The following ZFP90 variants were observed in gnomAD, a reference collection of about 807,000 sequenced individuals.
ZFP90 encodes the protein ZFP90 zinc finger protein.
ZFP90 carries 38 observed loss-of-function variants against 60.8 expected under a neutral mutation model. That is an observed-to-expected ratio of 0.62 (90% CI 0.48 to 0.82). The LOEUF is 0.82. ZFP90 is among the 40% of genes least tolerant of loss of function. ZFP90 has a pLI of 0.00. For missense variants in ZFP90, 711 were observed against 759.1 expected (o/e 0.94, Z 0.74); for synonymous variants, 287 against 264.8 (o/e 1.08, Z -0.82).
intron 2 of ZFP90, among the ~76,000 whole-genome samples, chr16:68,548,279 C>T (rs1442051480): frequency 6.6e-6 from 1 of 152,036 alleles, no homozygotes; most frequent in Non-Finnish European, 1.5e-5. Context: ...AAAGAATTTA[C>T]CTATAAAACA....
rs2091319522 is a variant in ZFP90, at chr16:68,554,908, G to T, written c.34-3090G>T. 2.0e-5 allele frequency among the ~76,000 whole-genome samples: 3 copies of T among 152,178 alleles called. No homozygotes were observed. In the South Asian group the frequency reaches 6.2e-4, roughly 31 times the overall value. On this transcript the variant is annotated intron_variant, in intron 2 of 4. Coordinates refer to ENST00000563169, the MANE Select transcript of ZFP90 (RefSeq NM_001305203.2). ...AAACCGAAGAGACAATATGTCTAGAGGGTAGAGTAGGCAGTGGGGAGAAGG... is the reference window on the plus strand; with the variant it reads ...AAACCGAAGAGACAATATGTCTAGATGGTAGAGTAGGCAGTGGGGAGAAGG...
chr16:68,569,997 A>G (rs146913242), downstream of ZFP90, among the ~76,000 whole-genome samples: 201 of 151,014 alleles, frequency 1.3e-3, no homozygotes, highest in Non-Finnish European at 2.5e-3. Flanking sequence ...GATCTTTCCC[A>G]TTAGCATAGT....
At chr16:68,557,846 T>C (rs376853531) in intron 2 of ZFP90, 152 bp from the exon 3 acceptor site, 9 of 1,072,448 alleles carry the variant, frequency 8.4e-6, no homozygotes, top group East Asian at 5.1e-5. Flanking sequence ...TACAAAATTA[T>C]GTAAACAATA....
At chr16:68,540,332 T>TA (rs1176187781) in intron 2 of ZFP90, among the ~76,000 whole-genome samples, 2 of 151,968 alleles carry the variant, frequency 1.3e-5, no homozygotes, top group Non-Finnish European at 2.9e-5. Flanking sequence ...CAAAACAAAA[T>TA]AAAAAACAAC....
intron 2 of ZFP90, among the ~76,000 whole-genome samples, chr16:68,546,382 G>C (rs1348956058): frequency 6.6e-6 from 1 of 152,112 alleles, no homozygotes; most frequent in Non-Finnish European, 1.5e-5. Context: ...TTGTAAAACT[G>C]AAAACTCTAC....
chr16:68,537,145 A>C (rs975569942), upstream of ZFP90, among the ~76,000 whole-genome samples: 1 of 141,542 alleles, frequency 7.1e-6, no homozygotes, highest in African/African-American at 2.7e-5. Flanking sequence ...TTTTTTTTTG[A>C]GACAGAGTCT....
intron 2 of ZFP90, among the ~76,000 whole-genome samples, chr16:68,544,009 C>G (rs556507137): frequency 1.3e-5 from 2 of 152,094 alleles, no homozygotes; most frequent in Admixed American, 6.6e-5. Flanking sequence ...TGCACCACCA[C>G]GCCCGGCTAA....
chr16:68,560,027 G>A (rs745902266), intron 4 of ZFP90, among the ~76,000 whole-genome samples: 22 of 152,244 alleles, frequency 1.4e-4, no homozygotes, highest in Non-Finnish European at 2.9e-4. Context: ...AGCCACTGCT[G>A]AGGTCCCAGA....
At chr16:68,548,656 A>T (rs774947473) in intron 2 of ZFP90, among the ~76,000 whole-genome samples, 25 of 151,578 alleles carry the variant, frequency 1.6e-4, no homozygotes, top group Non-Finnish European at 2.9e-4. Flanking sequence ...ACACCCGGCT[A>T]ATTTTGTATT....
chr16:68,558,601 A>T (rs938190310), intron 4 of ZFP90, 33 bp downstream of exon 4: 1 of 1,580,536 alleles, frequency 6.3e-7, no homozygotes, highest in Admixed American at 1.7e-5. Context: ...TTAGGAATGA[A>T]TGCAGTTAAT....
chr16:68,563,724 A>C lies in ZFP90; in HGVS notation c.937A>C (p.Ser313Arg), dbSNP rs2091472310. The change falls in exon 5 of 5, where the codon AGT (serine) becomes CGT (arginine). Residue 313 changes from serine to arginine, a missense_variant. By Grantham distance (110) the Ser-to-Arg change is moderately radical. Coordinates refer to ENST00000563169, the MANE Select transcript of ZFP90 (RefSeq NM_001305203.2). ...TACCGGAGAGAAACCCTATCAGTGT[A>C]GTCTCTGTGGGAAAGCCTTCCAGCG... ...AHTGEKPYQC[S>R]LCGKAFQRSS... 1.2e-6 allele frequency: 2 copies of C among 1,614,066 alleles called. No homozygotes were observed. The highest frequency in any genetic ancestry group is 3.3e-5 in the Admixed American group (2 of 60,002).
At chr16:68,540,291 A>G (rs2091018508) in intron 2 of ZFP90, among the ~76,000 whole-genome samples, 1 of 152,168 alleles carries the variant, frequency 6.6e-6, no homozygotes, top group Non-Finnish European at 1.5e-5. Context: ...AAGAGGCTGG[A>G]GATGGGCTTT....
rs1316205171 is a variant in ZFP90, at chr16:68,566,940, CT to C, written c.*2243del. Reference sequence around the variant, plus strand: ...GTGCTTGGCCTAGATCCAGCCACCACTCTGAAACTCAGCACATCTTCATTGA... The same window carrying C: ...GTGCTTGGCCTAGATCCAGCCACCACCTGAAACTCAGCACATCTTCATTGA... On this transcript the variant is annotated 3_prime_UTR_variant, in exon 5 of 5. Coordinates refer to ENST00000563169, the MANE Select transcript of ZFP90 (RefSeq NM_001305203.2). 1 of 985,510 alleles carries C rather than the reference CT, an allele frequency of 1.0e-6. No individual in the cohort carries two copies. 61.0% of individuals were successfully genotyped at this position (985,510 alleles called of 1,614,324 possible).
intron 2 of ZFP90, among the ~76,000 whole-genome samples, chr16:68,549,936 C>T (rs1206744527): frequency 6.6e-6 from 1 of 152,104 alleles, no homozygotes; most frequent in African/African-American, 2.4e-5. Context: ...AATGTTGTTA[C>T]TGGGCCAAAG....
intron 2 of ZFP90, among the ~76,000 whole-genome samples, chr16:68,556,779 AAC>A (rs2091351152): frequency 6.6e-6 from 1 of 152,214 alleles, no homozygotes. Context: ...AGGAAAATTA[AAC>A]ACAAAATGCG....
chr16:68,543,312 C>T (rs1176383062), intron 2 of ZFP90, among the ~76,000 whole-genome samples: 1 of 152,072 alleles, frequency 6.6e-6, no homozygotes, highest in African/African-American at 2.4e-5. Context: ...AATGATGAAT[C>T]CTAGGATAAA....
rs1322906516 is a variant in ZFP90, at chr16:68,564,102, C to G, written c.1315C>G (p.Gln439Glu). Reference protein sequence around the residue: ...IDFKHSTSLTQDESTLTEVKS... With the variant: ...IDFKHSTSLTEDESTLTEVKS... ...TTTCAAGCACAGCACATCTCTCACT[C>G]AAGATGAAAGCACTCTTACCGAAGT... The change falls in exon 5 of 5, where the codon CAA becomes GAA. Residue 439 changes from glutamine to glutamate, a missense_variant. Coordinates refer to ENST00000563169, the MANE Select transcript of ZFP90 (RefSeq NM_001305203.2). The G allele has an allele frequency of 2.5e-6, 4 of 1,614,026 alleles. No homozygotes were observed. In the African/African-American group the frequency reaches 4.0e-5, roughly 16 times the overall value.
downstream of ZFP90, among the ~76,000 whole-genome samples, chr16:68,572,050 G>A (rs562103642): frequency 6.6e-6 from 1 of 152,138 alleles, no homozygotes; most frequent in East Asian, 1.9e-4. Context: ...TTGAGGTGGG[G>A]TCTCTGATGC....
intron 2 of ZFP90, among the ~76,000 whole-genome samples, chr16:68,544,102 C>T (rs996191385): frequency 6.6e-6 from 1 of 152,240 alleles, no homozygotes; most frequent in South Asian, 2.1e-4. Context: ...GATCCACCCA[C>T]CTTGGCCTCC....
Sources: gnomAD v4.1 joint callset for allele counts (sites outside exome capture counted in the v4.1 genomes callset) on GRCh38, gnomAD v4.1.1 for gene constraint, MANE v1.5 for transcripts, NCBI Gene and HGNC (gene_info 2026-07-23, HGNC 2026-07-21) for gene names.